The following FAM98B variants were observed in gnomAD, a reference collection of about 807,000 sequenced individuals.
FAM98B encodes tRNA splicing ligase complex subunit 3B.
A neutral mutation model predicts 43.9 loss-of-function variants in FAM98B; 32 were observed. The ratio of observed to expected loss-of-function variants is 0.73; its 90% confidence interval spans 0.55 to 0.98. FAM98B has a LOEUF of 0.98. FAM98B is among the 50% of genes least tolerant of loss of function. FAM98B has a pLI of 0.00. For missense variants in FAM98B, 514 were observed against 522.9 expected (o/e 0.98, Z 0.17); for synonymous variants, 190 against 174.0 (o/e 1.09, Z -0.72).
At chr15:38,476,964 T>C (rs1428701196) in intron 6 of FAM98B, among the ~76,000 whole-genome samples, 1 of 151,852 alleles carries the variant, frequency 6.6e-6, no homozygotes, top group Non-Finnish European at 1.5e-5. Flanking sequence ...GCACTACAGC[T>C]TGGGCGACAG....
At chr15:38,457,749 G>A (rs1314994657) in intron 1 of FAM98B, among the ~76,000 whole-genome samples, 1 of 152,076 alleles carries the variant, frequency 6.6e-6, no homozygotes, top group Non-Finnish European at 1.5e-5. Context: ...TGTCCAAGAG[G>A]TAATAGATGA....
intron 1 of FAM98B, among the ~76,000 whole-genome samples, chr15:38,456,775 A>G (rs1322237358): frequency 6.6e-6 from 1 of 152,152 alleles, no homozygotes; most frequent in African/African-American, 2.4e-5. Flanking sequence ...CCTTACAGTG[A>G]GAAGAAAATG....
intron 7 of FAM98B, 115 bp from the exon 8 acceptor site, chr15:38,484,140 G>C (rs1206354403): frequency 2.3e-6 from 2 of 864,618 alleles, no homozygotes; most frequent in East Asian, 5.8e-5. Flanking sequence ...GCCATGTCTG[G>C]TACTTTCATG....
Position 38,463,141 on chromosome 15 carries a change from GT to G in FAM98B, c.72-887del, listed in dbSNP as rs527270694. Reference sequence around the variant, plus strand: ...ATTCAGTTAAGATAGTATATAAAGTGTTTTGAAAATTTAAGATTCTTGTGAA... The same window carrying G: ...ATTCAGTTAAGATAGTATATAAAGTGTTTGAAAATTTAAGATTCTTGTGAA... On this transcript the variant is annotated intron_variant, in intron 1 of 7. Coordinates refer to ENST00000397609, the MANE Select transcript of FAM98B (RefSeq NM_173611.4). Among the ~76,000 whole-genome samples the G allele has an allele frequency of 9.2e-5, 14 of 152,296 alleles. No individual in the cohort carries two copies. The East Asian group carries it at 2.5e-3, about 27-fold the overall frequency.
chr15:38,477,652 G>A (rs1890222678), intron 6 of FAM98B, among the ~76,000 whole-genome samples: 1 of 152,076 alleles, frequency 6.6e-6, no homozygotes, highest in Admixed American at 6.6e-5. Flanking sequence ...TATATGTCAG[G>A]TACTATGTAC....
intron 7 of FAM98B, chr15:38,481,764 T>A: frequency 1.3e-6 from 1 of 754,490 alleles, no homozygotes; most frequent in South Asian, 2.0e-5. Flanking sequence ...TAAGAATCTT[T>A]CGGAATTGTT....
chr15:38,467,774 A>G (rs78874028), intron 3 of FAM98B, among the ~76,000 whole-genome samples: 1,565 of 152,340 alleles, frequency 0.01, 33 homozygotes, highest in African/African-American at 0.036. Context: ...ATAGATAAAT[A>G]GAAGTGGTAC....
At chr15:38,463,977 G>GT (rs918261414) in intron 1 of FAM98B, 55 bp from the exon 2 acceptor site, 10 of 1,516,732 alleles carry the variant, frequency 6.6e-6, no homozygotes, top group South Asian at 1.3e-5. Context: ...AGTGTTGGAG[G>GT]TTTTTTTGTT....
At chr15:38,461,827 T>G (rs1419199007) in intron 1 of FAM98B, among the ~76,000 whole-genome samples, 1 of 152,150 alleles carries the variant, frequency 6.6e-6, no homozygotes, top group Non-Finnish European at 1.5e-5. Context: ...TGATGAATTA[T>G]GAGGGAATGG....
chr15:38,457,736 G>A (rs1889870695), intron 1 of FAM98B, among the ~76,000 whole-genome samples: 1 of 152,104 alleles, frequency 6.6e-6, no homozygotes, highest in Non-Finnish European at 1.5e-5. Context: ...GGATGTTGGG[G>A]AGTGTCCAAG....
At chr15:38,481,108 CT>C (rs201301617) in intron 6 of FAM98B, among the ~76,000 whole-genome samples, 183 bp from the exon 7 acceptor site, 1 of 151,866 alleles carries the variant, frequency 6.6e-6, no homozygotes, top group East Asian at 1.9e-4. Context: ...TTTTTAACAC[CT>C]GTTGGTCTAT....
rs900804407 is a variant in FAM98B at position 38,486,041 on chromosome 15, C to T, written c.*1382C>T. On this transcript the variant is annotated 3_prime_UTR_variant, in exon 8 of 8. Coordinates refer to ENST00000397609, the MANE Select transcript of FAM98B (RefSeq NM_173611.4). ...TGGACAAGTGGTATTTGATGTTTAG[C>T]AGGTTTTTTTGTTGTTATTTTTTTG... The T allele has an allele frequency of 6.6e-6, 1 of 152,022 alleles. No homozygotes were observed. The highest frequency in any genetic ancestry group is 2.4e-5 in the African/African-American group (1 of 41,402). 9.4% of individuals were successfully genotyped at this position (152,022 alleles called of 1,614,324 possible). A position where few individuals can be genotyped will look rare whatever the true frequency, so the allele number is the denominator to read the frequency against.
chr15:38,473,588 A>T lies in FAM98B; in HGVS notation c.612+3A>T. On this transcript the variant is annotated splice_donor_region_variant and intron_variant, in intron 5 of 7. Coordinates refer to ENST00000397609, the MANE Select transcript of FAM98B (RefSeq NM_173611.4). ...TGGATTTAAATTCAGAACAGGCGGT[A>T]AATCCCCCTTTTTGTTATTAGTTTT... is the stretch of plus-strand genomic sequence containing the variant. The T allele has an allele frequency of 6.2e-7, 1 of 1,603,610 alleles. No homozygotes were observed. The highest frequency in any genetic ancestry group is 8.5e-7 in the Non-Finnish European group (1 of 1,175,500).
At chr15:38,455,463 C>A (rs1417463983) in intron 1 of FAM98B, among the ~76,000 whole-genome samples, 1 of 152,168 alleles carries the variant, frequency 6.6e-6, no homozygotes, top group Non-Finnish European at 1.5e-5. Flanking sequence ...TAGTTGAACC[C>A]TGATAATACC....
In FAM98B at chr15:38,470,336, T is replaced by G. The variant is rs1477428171; in HGVS notation, c.462T>G (p.Phe154Leu). 6.2e-7 allele frequency: 1 copy of G among 1,606,972 alleles called. No individual in the cohort carries two copies. The highest frequency in any genetic ancestry group is 1.1e-5 in the South Asian group (1 of 89,248). The change falls in exon 4 of 8, where the codon TTT becomes TTG. Residue 154 changes from phenylalanine (F) to leucine (L), a missense_variant. By Grantham distance (22) the Phe-to-Leu change is conservative. Around this residue, in one of 2 missense-constraint regions of FAM98B, gnomAD observed 469 missense variants for 451.8 expected, o/e 1.04. Transcript: ENST00000397609. ...TTTATCAGGAAGTTCAAGCTATGTTTGATACACTTGGTATACCCAAGTCAA... is the reference window on the plus strand; with the variant it reads ...TTTATCAGGAAGTTCAAGCTATGTTGGATACACTTGGTATACCCAAGTCAA... ...SEVYQEVQAM[F>L]DTLGIPKSTT...
intron 3 of FAM98B, among the ~76,000 whole-genome samples, chr15:38,466,578 A>T (rs1445775146): frequency 2.6e-5 from 4 of 152,226 alleles, no homozygotes; most frequent in Non-Finnish European, 5.9e-5. Flanking sequence ...TAACAGAAAT[A>T]TATAGTTTTT....
At chr15:38,479,546 G>A (rs977916385) in intron 6 of FAM98B, among the ~76,000 whole-genome samples, 8 of 152,058 alleles carry the variant, frequency 5.3e-5, no homozygotes, top group African/African-American at 1.9e-4. Context: ...TGTTTCCAAG[G>A]TTTATTCATG....
At chr15:38,466,661 G>A (rs1210233360) in intron 3 of FAM98B, among the ~76,000 whole-genome samples, 1 of 152,156 alleles carries the variant, frequency 6.6e-6, no homozygotes, top group South Asian at 2.1e-4. Context: ...CAGAGTTTCA[G>A]TGAGGAAGAC....
At chr15:38,474,658 A>G (rs1470316051) in intron 6 of FAM98B, among the ~76,000 whole-genome samples, 1 of 152,190 alleles carries the variant, frequency 6.6e-6, no homozygotes, top group African/African-American at 2.4e-5. Context: ...ACAGGCCTTA[A>G]AAGTATCTTA....
Sources: allele counts gnomAD v4.1 joint callset (sites outside exome capture counted in the v4.1 genomes callset), GRCh38; gene constraint gnomAD v4.1.1; regional missense constraint gnomAD v4.1.1; transcripts MANE v1.5; gene names NCBI Gene and HGNC (gene_info 2026-07-23, HGNC 2026-07-21).